The following ZEB1 variants were observed in gnomAD, a reference collection of about 807,000 sequenced individuals.
ZEB1 encodes the protein zinc finger E-box binding homeobox 1, also known as zinc finger E-box-binding homeobox 1.
ZEB1 carries 21 observed loss-of-function variants against 84.9 expected under a neutral mutation model. The observed-to-expected ratio is 0.25, with a 90% CI of 0.18 to 0.36. ZEB1 has a LOEUF of 0.36. Ranked by LOEUF, ZEB1 falls within the 10% of genes least tolerant of loss-of-function variation. The pLI, the probability that ZEB1 is intolerant of heterozygous loss-of-function variation, is 1.00. For synonymous variants in ZEB1, 420 were observed against 471.1 expected, an observed-to-expected ratio of 0.89 and a Z score of 1.41; for missense variants, 1,104 against 1,330.2, an observed-to-expected ratio of 0.83 and a Z score of 2.65.
intron 2 of ZEB1, among the ~76,000 whole-genome samples, chr10:31,473,894 G>T (rs1041287663): frequency 6.6e-6 from 1 of 151,022 alleles, no homozygotes; most frequent in African/African-American, 2.4e-5. Flanking sequence ...AGAGCCCTCA[G>T]AAATAACGCC....
At chr10:31,493,050 A>G (rs1455639790) in intron 2 of ZEB1, among the ~76,000 whole-genome samples, 3 of 151,964 alleles carry the variant, frequency 2.0e-5, no homozygotes, top group African/African-American at 7.2e-5. Flanking sequence ...TGACATTGAT[A>G]CAGTCAAGAT....
At chr10:31,405,463 T>A (rs963269458) in intron 1 of ZEB1, among the ~76,000 whole-genome samples, 10 of 152,328 alleles carry the variant, frequency 6.6e-5, no homozygotes, top group African/African-American at 2.4e-4. Flanking sequence ...CCTGATGCTT[T>A]ATATTCAGTA....
intron 1 of ZEB1, among the ~76,000 whole-genome samples, chr10:31,407,296 C>T (rs2135650205): frequency 7.2e-6 from 1 of 138,700 alleles, no homozygotes; most frequent in East Asian, 2.2e-4. Flanking sequence ...CTTCCTGTGT[C>T]CATGTGTTCT....
At chr10:31,363,022 C>G (rs747028725) in intron 1 of ZEB1, 1 of 1,533,982 alleles carries the variant, frequency 6.5e-7, no homozygotes, top group South Asian at 1.2e-5. Flanking sequence ...TCTATCACAC[C>G]TCAGTTGCAG....
intron 2 of ZEB1, among the ~76,000 whole-genome samples, chr10:31,472,320 C>A (rs1262753427): frequency 6.6e-6 from 1 of 151,640 alleles, no homozygotes; most frequent in Non-Finnish European, 1.5e-5. Flanking sequence ...ACTAGCAAGA[C>A]TAATAAAAAA....
At chr10:31,486,082 A>C (rs79668744) in intron 2 of ZEB1, among the ~76,000 whole-genome samples, 1 of 129,352 alleles carries the variant, frequency 7.7e-6, no homozygotes, top group African/African-American at 3.4e-5. Flanking sequence ...CTTTTTATTA[A>C]TGAGTAGTAT....
At chr10:31,344,581 T>C (rs2039969899) in intron 1 of ZEB1, among the ~76,000 whole-genome samples, 1 of 152,136 alleles carries the variant, frequency 6.6e-6, no homozygotes, top group Non-Finnish European at 1.5e-5. Flanking sequence ...GGTTAGAAGC[T>C]GCCAATAGTC....
intron 1 of ZEB1, among the ~76,000 whole-genome samples, chr10:31,429,801 T>C (rs2057481971): frequency 7.4e-6 from 1 of 134,496 alleles, no homozygotes; most frequent in Non-Finnish European, 1.5e-5. Context: ...TGGAGTGCAA[T>C]GGCATAATCT....
chr10:31,465,645 TGCTGTG>T (rs2062326712), intron 2 of ZEB1, among the ~76,000 whole-genome samples: 2 of 152,132 alleles, frequency 1.3e-5, no homozygotes, highest in Admixed American at 6.5e-5. Context: ...GATAGGGCCT[TGCTGTG>T]TCACCAGGGT....
chr10:31,429,458 C>T (rs2057397965), intron 1 of ZEB1, among the ~76,000 whole-genome samples: 1 of 152,078 alleles, frequency 6.6e-6, no homozygotes. Flanking sequence ...TGCATGTTCT[C>T]ACATGTTAAG....
chr10:31,457,748 C>A (rs1489738239), intron 1 of ZEB1, among the ~76,000 whole-genome samples: 1 of 152,026 alleles, frequency 6.6e-6, no homozygotes, highest in Non-Finnish European at 1.5e-5. Context: ...CACCCAGTAT[C>A]TCTGGTTAAA....
chr10:31,467,344 G>GCACCCA, intron 2 of ZEB1, among the ~76,000 whole-genome samples: 1 of 152,284 alleles, frequency 6.6e-6, no homozygotes, highest in South Asian at 2.1e-4. Context: ...ACCCCCGAGT[G>GCACCCA]CCCTGCATCC....
intron 1 of ZEB1, among the ~76,000 whole-genome samples, chr10:31,340,921 G>T (rs372270828): frequency 1.3e-5 from 2 of 152,212 alleles, no homozygotes; most frequent in South Asian, 2.1e-4. Context: ...AAGGCACATG[G>T]GTGAGAAACA....
intron 1 of ZEB1, among the ~76,000 whole-genome samples, chr10:31,394,865 T>C (rs1354569908): frequency 6.6e-6 from 1 of 152,084 alleles, no homozygotes; most frequent in African/African-American, 2.4e-5. Context: ...TGAGCTAGTG[T>C]GGTGACAATG....
intron 1 of ZEB1, among the ~76,000 whole-genome samples, chr10:31,446,200 G>A (rs1250490049): frequency 2.6e-5 from 4 of 152,166 alleles, no homozygotes; most frequent in African/African-American, 9.7e-5. Context: ...TAGTTTATTT[G>A]CATAGAGCTG....
At chr10:31,480,805 G>T (rs572264242) in intron 2 of ZEB1, among the ~76,000 whole-genome samples, 2 of 152,078 alleles carry the variant, frequency 1.3e-5, no homozygotes, top group African/African-American at 4.8e-5. Flanking sequence ...CCTTATAATA[G>T]GTAGTCATTT....
chr10:31,388,296 A>G (rs968107213), intron 1 of ZEB1, among the ~76,000 whole-genome samples: 45 of 152,240 alleles, frequency 3.0e-4, no homozygotes, highest in Admixed American at 9.2e-4. Context: ...TGTCCCTTTC[A>G]TTTATCTTTT....
At chr10:31,449,965 C>A (rs981800170) in intron 1 of ZEB1, among the ~76,000 whole-genome samples, 2 of 152,276 alleles carry the variant, frequency 1.3e-5, no homozygotes, top group South Asian at 2.1e-4. Flanking sequence ...GAATATATAA[C>A]ATGCTCAAGG....
intron 1 of ZEB1, among the ~76,000 whole-genome samples, chr10:31,334,088 G>C (rs2037448499): frequency 6.6e-6 from 1 of 151,776 alleles, no homozygotes; most frequent in Admixed American, 6.6e-5. Flanking sequence ...CATTATTATA[G>C]CTTATTTAAA....
Sources: allele counts gnomAD v4.1 joint callset (sites outside exome capture counted in the v4.1 genomes callset), GRCh38; gene constraint gnomAD v4.1.1; transcripts MANE v1.5; gene names NCBI Gene and HGNC (gene_info 2026-07-23, HGNC 2026-07-21).